The following CPNE4 variants were observed in gnomAD, a reference collection of about 807,000 sequenced individuals.
CPNE4 encodes the protein copine-4.
CPNE4 carries 25 observed loss-of-function variants against 67.9 expected under a neutral mutation model. That is an observed-to-expected ratio of 0.37 (90% CI 0.27 to 0.51). The LOEUF is 0.51. CPNE4 is among the 20% of genes least tolerant of loss of function. The pLI is 0.93. For missense variants in CPNE4, 464 were observed against 690.8 expected, an observed-to-expected ratio of 0.67 and a Z score of 3.68; for synonymous variants, 242 against 244.9, an observed-to-expected ratio of 0.99 and a Z score of 0.11.
chr3:131,664,763 T>C (rs1560076046), intron 7 of CPNE4, among the ~76,000 whole-genome samples: 1 of 152,168 alleles, frequency 6.6e-6, no homozygotes, highest in Admixed American at 6.5e-5. Flanking sequence ...TGGTTAGAAG[T>C]AAATGAAATT....
In CPNE4 at chr3:131,953,819, C is replaced by T. The variant is rs541571432; in HGVS notation, c.-1-48375G>A. The stretch of plus-strand genomic sequence containing the variant: ...TACAGTTAGAAGTAATAAGTTCTTA[C>T]GTTTGATAGAAAAGTAGAATGACTA... On this transcript the variant is annotated intron_variant, in intron 1 of 15. Transcript: ENST00000429747. 2.2e-4 allele frequency among the ~76,000 whole-genome samples: 33 copies of T among 152,196 alleles called. No homozygotes were observed. The South Asian group carries it at 4.6e-3, about 21-fold the overall frequency.
chr3:131,705,030 TCTCC>T (rs577201741), intron 3 of CPNE4, among the ~76,000 whole-genome samples: 58 of 151,724 alleles, frequency 3.8e-4, no homozygotes, highest in African/African-American at 7.3e-4. Context: ...ACACATTCTC[TCTCC>T]CTCCCTCCCT....
At chr3:131,953,238 T>TAAATAAA (rs369308316) in intron 1 of CPNE4, among the ~76,000 whole-genome samples, 1 of 75,702 alleles carries the variant, frequency 1.3e-5, no homozygotes, top group Non-Finnish European at 2.8e-5. Context: ...GAATGATCAA[T>TAAATAAA]TAAAAAAAAA....
At chr3:131,869,961 A>G (rs889026418) in intron 2 of CPNE4, among the ~76,000 whole-genome samples, 2 of 152,224 alleles carry the variant, frequency 1.3e-5, no homozygotes, top group Non-Finnish European at 2.9e-5. Flanking sequence ...GCCATTGTCT[A>G]CAACATGAGA....
At chr3:131,656,100 A>C (rs1281368544) in intron 7 of CPNE4, among the ~76,000 whole-genome samples, 1 of 146,902 alleles carries the variant, frequency 6.8e-6, no homozygotes, top group African/African-American at 2.5e-5. Flanking sequence ...CTCATTCCTG[A>C]AGGAGTGCTT....
chr3:131,748,086 T>C (rs112768563), intron 2 of CPNE4, among the ~76,000 whole-genome samples: 21 of 152,046 alleles, frequency 1.4e-4, no homozygotes, highest in African/African-American at 5.1e-4. Flanking sequence ...AAATGCTTTT[T>C]TGGCATCAAT....
At chr3:131,979,163 T>C (rs1214153371) in intron 1 of CPNE4, among the ~76,000 whole-genome samples, 1 of 152,200 alleles carries the variant, frequency 6.6e-6, no homozygotes, top group Non-Finnish European at 1.5e-5. Flanking sequence ...ATGTGTATTC[T>C]GCAGTCGTTG....
chr3:131,656,164 T>G (rs1454767427), intron 7 of CPNE4, among the ~76,000 whole-genome samples: 1 of 152,006 alleles, frequency 6.6e-6, no homozygotes, highest in East Asian at 1.9e-4. Flanking sequence ...CCTTTCCTTC[T>G]TCTAACTCCC....
At chr3:131,988,326 T>C (rs2073101956) in intron 1 of CPNE4, among the ~76,000 whole-genome samples, 1 of 152,184 alleles carries the variant, frequency 6.6e-6, no homozygotes, top group South Asian at 2.1e-4. Context: ...TTAAGGATTC[T>C]GGTCTTTGTC....
At chr3:131,843,015 A>G (rs898095419) in intron 2 of CPNE4, among the ~76,000 whole-genome samples, 1 of 152,196 alleles carries the variant, frequency 6.6e-6, no homozygotes, top group Non-Finnish European at 1.5e-5. Context: ...TTCCGCTATT[A>G]TGCAAGGGTA....
At chr3:131,851,155 G>T (rs1043760207) in intron 2 of CPNE4, among the ~76,000 whole-genome samples, 3 of 151,992 alleles carry the variant, frequency 2.0e-5, no homozygotes, top group African/African-American at 7.2e-5. Context: ...AAATACATAA[G>T]AAAATTCACC....
rs34053204 is a variant in CPNE4, at chr3:131,738,854, C to CTTT, written c.181-15232_181-15230dup. Among the ~76,000 whole-genome samples the CTTT allele has an allele frequency of 3.9e-3, 540 of 140,136 alleles. 5 individuals are homozygous for CTTT. Among genetic ancestry groups the CTTT allele is most frequent in the African/African-American group, 0.013 (479 of 38,316 alleles). The allele number at this position is 140,136 out of a possible 152,430, so 91.9% of individuals were successfully genotyped here. A position where few individuals can be genotyped will look rare whatever the true frequency, so the allele number is the denominator to read the frequency against. On this transcript the variant is annotated intron_variant, in intron 2 of 15. Transcript: ENST00000429747. Reference sequence around the variant, plus strand: ...ATATTCATCATGTCTTTTTCTTTTTCTTTTTTTTTTTTTTCTTAAGATGGA... The same window carrying CTTT: ...ATATTCATCATGTCTTTTTCTTTTTCTTTTTTTTTTTTTTTTTCTTAAGATGGA...
chr3:131,575,002 A>C lies in CPNE4; in HGVS notation c.927+69T>G, dbSNP rs1582827017. On this transcript the variant is annotated intron_variant, in intron 10 of 15. Coordinates refer to ENST00000429747, the MANE Select transcript of CPNE4 (RefSeq NM_130808.3). ...TAAGCTTTTGTCTCTTTATCCCCCA[A>C]ACCCAGTGCCACCCCTCATCTCTTG... is the stretch of plus-strand genomic sequence containing the variant. The C allele has an allele frequency of 8.1e-6, 11 of 1,356,984 alleles. No homozygotes were observed. In the East Asian group the frequency reaches 2.6e-4, roughly 31 times the overall value. The allele number at this position is 1,356,984 out of a possible 1,614,324, so 84.1% of individuals were successfully genotyped here. A position where few individuals can be genotyped will look rare whatever the true frequency, so the allele number is the denominator to read the frequency against.
At chr3:131,976,897 G>A (rs1265451856) in intron 1 of CPNE4, among the ~76,000 whole-genome samples, 1 of 151,934 alleles carries the variant, frequency 6.6e-6, no homozygotes, top group Non-Finnish European at 1.5e-5. Context: ...TGCCTCCAGG[G>A]TTCAAGCGAT....
chr3:131,792,739 A>C (rs528003204), intron 2 of CPNE4, among the ~76,000 whole-genome samples: 8 of 132,240 alleles, frequency 6.0e-5, no homozygotes, highest in African/African-American at 2.2e-4. Flanking sequence ...ACACGTGTGT[A>C]TATATGTATA....
At chr3:131,906,401 C>T (rs13069613) in intron 1 of CPNE4, among the ~76,000 whole-genome samples, 1 of 123,776 alleles carries the variant, frequency 8.1e-6, no homozygotes, top group Non-Finnish European at 1.7e-5. Flanking sequence ...TATCCCTCCC[C>T]CCCTCCCCCC....
chr3:131,638,664 A>AGT (rs1272556648), intron 7 of CPNE4, among the ~76,000 whole-genome samples: 1 of 152,166 alleles, frequency 6.6e-6, no homozygotes, highest in Non-Finnish European at 1.5e-5. Flanking sequence ...CCCTAAAACA[A>AGT]GTGTACTTAA....
intron 2 of CPNE4, among the ~76,000 whole-genome samples, chr3:131,808,865 A>G (rs1237605705): frequency 1.3e-5 from 2 of 152,214 alleles, no homozygotes; most frequent in Non-Finnish European, 2.9e-5. Context: ...GGATTTTTGT[A>G]AACGGTAAAC....
chr3:131,653,311 ATTTTTTTGTAT>A (rs1029188888), intron 7 of CPNE4, among the ~76,000 whole-genome samples: 4 of 146,008 alleles, frequency 2.7e-5, no homozygotes, highest in African/African-American at 7.9e-5. Flanking sequence ...CGCCTGGCTA[ATTTTTTTGTAT>A]TTTTTTTAGT....
Sources: allele counts gnomAD v4.1 joint callset (sites outside exome capture counted in the v4.1 genomes callset), GRCh38; gene constraint gnomAD v4.1.1; transcripts MANE v1.5; gene names NCBI Gene and HGNC (gene_info 2026-07-23, HGNC 2026-07-21).